IPO5: variants seen among roughly 807,000 people sequenced by gnomAD.
The protein encoded by IPO5 is importin 5, also known as importin-5.
In IPO5, 18 loss-of-function variants were observed where a neutral mutation model predicts 143.3. That is an observed-to-expected ratio of 0.13 (90% confidence interval 0.09 to 0.19). IPO5 has a LOEUF of 0.19. IPO5 is among the 10% of genes least tolerant of loss of function. The probability of loss-of-function intolerance (pLI) is 1.00; values close to 1 mark genes in which losing one functional copy is unlikely to be tolerated. For missense variants in IPO5, 1,013 were observed against 1,336.9 expected, an observed-to-expected ratio of 0.76 and a Z score of 3.78; for synonymous variants, 477 against 465.7, an observed-to-expected ratio of 1.02 and a Z score of -0.31.
intron 2 of IPO5, among the ~76,000 whole-genome samples, chr13:97,969,173 ATATTTTTTTTTTTTT>A (rs1885605842): frequency 1.4e-5 from 1 of 70,142 alleles, no homozygotes; most frequent in African/African-American, 6.7e-5. Flanking sequence ...ATATATATAT[ATATTTTTTTTTTTTT>A]TTTTTTTTTT....
chr13:97,967,986 C>G (rs1885499340), intron 2 of IPO5, among the ~76,000 whole-genome samples: 1 of 152,080 alleles, frequency 6.6e-6, no homozygotes, highest in East Asian at 1.9e-4. Context: ...AGGGGTCTCA[C>G]TCTGTCTGTC....
At chr13:98,000,710 G>A in intron 13 of IPO5, 65 bp downstream of exon 13, 2 of 1,046,454 alleles carry the variant, frequency 1.9e-6, no homozygotes, top group Non-Finnish European at 3.0e-6. Flanking sequence ...TAAATTCTAA[G>A]ATATGTTTAG....
At chr13:97,989,986 G>C in intron 7 of IPO5, 140 bp from the exon 8 acceptor site, 1 of 604,102 alleles carries the variant, frequency 1.7e-6, no homozygotes, top group Non-Finnish European at 2.9e-6. Context: ...ATTGCTTAGA[G>C]AATGGGTAGA....
chr13:97,955,050 A>G (rs1336394377), intron 2 of IPO5, among the ~76,000 whole-genome samples: 1 of 152,152 alleles, frequency 6.6e-6, no homozygotes, highest in Non-Finnish European at 1.5e-5. Flanking sequence ...CAACATAGTG[A>G]GACCCTGTCT....
chr13:98,013,881 G>GAGACAGAGGAGAC (rs1161214601), intron 21 of IPO5, among the ~76,000 whole-genome samples, 161 bp from the exon 22 acceptor site: 1 of 152,154 alleles, frequency 6.6e-6, no homozygotes, highest in Non-Finnish European at 1.5e-5. Context: ...GAGGAGACAG[G>GAGACAGAGGAGAC]AGGTATGTCT....
intron 16 of IPO5, 96 bp downstream of exon 16, chr13:98,003,133 C>T: frequency 1.1e-6 from 1 of 925,080 alleles, no homozygotes; most frequent in Non-Finnish European, 1.7e-6. Context: ...TGCAGCATGA[C>T]CATAAAGAAT....
chr13:98,002,815 A>G (rs765559564), intron 15 of IPO5, 42 bp downstream of exon 15: 2 of 1,596,482 alleles, frequency 1.3e-6, no homozygotes, highest in Non-Finnish European at 1.7e-6. Flanking sequence ...GACTTTAGGA[A>G]GAAGGGTGGA....
chr13:97,995,038 T>C (rs1487903692), intron 11 of IPO5, among the ~76,000 whole-genome samples: 2 of 151,550 alleles, frequency 1.3e-5, no homozygotes, highest in Non-Finnish European at 1.5e-5. Flanking sequence ...AGATGGAGGA[T>C]TGCTTGAGCC....
At chr13:97,979,622 C>G (rs1886676221) in intron 4 of IPO5, among the ~76,000 whole-genome samples, 1 of 152,174 alleles carries the variant, frequency 6.6e-6, no homozygotes, top group African/African-American at 2.4e-5. Flanking sequence ...ATTTATTAAT[C>G]ATATGCATGG....
At chr13:98,020,314 C>A (rs1488071016) in intron 27 of IPO5, among the ~76,000 whole-genome samples, 1 of 152,274 alleles carries the variant, frequency 6.6e-6, no homozygotes, top group South Asian at 2.1e-4. Context: ...TGAATAAATT[C>A]AAGGGCTACA....
intron 2 of IPO5, among the ~76,000 whole-genome samples, chr13:97,957,798 T>A (rs920166534): frequency 2.6e-5 from 4 of 152,180 alleles, no homozygotes; most frequent in Non-Finnish European, 5.9e-5. Context: ...TTCTCTTTTT[T>A]ATCTCTGAAG....
intron 7 of IPO5, 144 bp from the exon 8 acceptor site, chr13:97,989,982 T>G: frequency 1.7e-6 from 1 of 598,508 alleles, no homozygotes; most frequent in Non-Finnish European, 2.9e-6. Context: ...CAGGATTGCT[T>G]AGAGAATGGG....
chr13:97,973,239 G>T (rs191424254), intron 3 of IPO5, among the ~76,000 whole-genome samples: 2 of 151,676 alleles, frequency 1.3e-5, no homozygotes, highest in East Asian at 3.9e-4. Context: ...GTAGAGACGG[G>T]GTCTCGCCCT....
chr13:97,998,077 G>A (rs1353319818), intron 12 of IPO5, among the ~76,000 whole-genome samples: 2 of 152,210 alleles, frequency 1.3e-5, no homozygotes, highest in Non-Finnish European at 2.9e-5. Context: ...CGGGGTTCAC[G>A]CCATTCTCCT....
chr13:97,982,539 A>G lies in IPO5; in HGVS notation c.127A>G (p.Thr43Ala), dbSNP rs1390975580. Residue 43 changes from threonine (T) to alanine (A), a missense_variant, in exon 5 of 29, where the codon ACA becomes GCA. Thr to Ala is a moderately conservative substitution (Grantham distance 58). Coordinates refer to ENST00000651721, the MANE Select transcript of IPO5 (RefSeq NM_002271.6). ...YENIPGQSKITFLLQAIRNTT... is the reference protein window; with the variant it reads ...YENIPGQSKIAFLLQAIRNTT... The stretch of plus-strand genomic sequence containing the variant: ...GAATATCCCAGGCCAGTCAAAGATC[A>G]CATTCCTCTTACAAGCCATCAGAAA... 6.2e-7 allele frequency: 1 copy of G among 1,613,214 alleles called. No homozygotes were observed.
intron 2 of IPO5, among the ~76,000 whole-genome samples, chr13:97,965,851 T>C (rs2139521548): frequency 6.6e-6 from 1 of 151,754 alleles, no homozygotes; most frequent in Non-Finnish European, 1.5e-5. Context: ...AGAGATAGAA[T>C]TTCCAGGCCG....
chr13:97,995,847 A>G (rs1566519767), intron 11 of IPO5, among the ~76,000 whole-genome samples: 1 of 152,208 alleles, frequency 6.6e-6, no homozygotes, highest in Non-Finnish European at 1.5e-5. Flanking sequence ...GTTAAGGGCT[A>G]AATATTACAG....
At position 98,014,032 on chromosome 13, in the gene IPO5, A is replaced by G. The variant is rs912221337; in HGVS notation, c.2153-10A>G. The G allele has an allele frequency of 1.9e-6, 3 of 1,604,340 alleles. No individual in the cohort carries two copies. The African/African-American group carries it at 4.0e-5, about 22-fold the overall frequency. On this transcript the variant is annotated splice_polypyrimidine_tract_variant and intron_variant, in intron 21 of 28. Transcript: ENST00000651721. ...ATAAACAGTCTTTTGAGGTTCCTTA[A>G]CAATGAAACGTGTTCGAGTGGCAGC...
At chr13:97,965,585 A>G (rs1454143741) in intron 2 of IPO5, among the ~76,000 whole-genome samples, 4 of 152,180 alleles carry the variant, frequency 2.6e-5, no homozygotes, top group African/African-American at 9.7e-5. Flanking sequence ...GAAAGTTACT[A>G]TTACTTTGTT....
Sources: allele counts gnomAD v4.1 joint callset (sites outside exome capture counted in the v4.1 genomes callset), GRCh38; gene constraint gnomAD v4.1.1; transcripts MANE v1.5; gene names NCBI Gene and HGNC (gene_info 2026-07-23, HGNC 2026-07-21).